PLCD1: variants seen among roughly 807,000 people sequenced by gnomAD.
PLCD1 encodes 1-phosphatidylinositol 4,5-bisphosphate phosphodiesterase delta-1.
A neutral mutation model predicts 87.4 loss-of-function variants in PLCD1; 71 were observed. The observed-to-expected ratio is 0.81, with a 90% CI of 0.67 to 0.99. PLCD1 has a LOEUF of 0.99. Ranked by LOEUF, PLCD1 falls within the 50% of genes least tolerant of loss-of-function variation. The probability of loss-of-function intolerance (pLI) is 0.00; values close to 1 mark genes in which losing one functional copy is unlikely to be tolerated. For synonymous variants in PLCD1, 348 were observed against 399.2 expected (o/e 0.87, Z 1.53); for missense variants, 867 against 1,001.5 (o/e 0.87, Z 1.81).
In PLCD1 at chr3:38,025,718, A is replaced by G. The variant is rs1407097577; in HGVS notation, c.34+3788T>C. On this transcript the variant is annotated intron_variant, in intron 1 of 14. Coordinates refer to ENST00000334661, the MANE Select transcript of PLCD1 (RefSeq NM_006225.4). This position sits in a 1 kb window ranked among gnomAD's most constrained non-coding sequence, Gnocchi z 4.0. ...AACTTTGCTGCCAATATGCTCGGGA[A>G]CAGTGGGTCCTTTCATGTACATCAC... Among the ~76,000 whole-genome samples, 1 of 152,254 alleles carries G rather than the reference A, an allele frequency of 6.6e-6. No homozygotes were observed. Among genetic ancestry groups the G allele is most frequent in the East Asian group, 1.9e-4 (1 of 5,204 alleles).
In PLCD1 at chr3:38,010,164, A is replaced by G. The variant is rs900546814; in HGVS notation, c.1104T>C (p.Asp368=). 3 of 1,614,248 alleles carry G rather than the reference A, an allele frequency of 1.9e-6. No individual in the cohort carries two copies. Among genetic ancestry groups the G allele is most frequent in the Admixed American group, 1.7e-5 (1 of 60,032 alleles). ...YTFTSKILFC[D]VLRAIRDYAF... ...CATAGTCCCGGATGGCCCTGAGCAC[A>G]TCGCAGAAGAGGATCTTGGAAGTGA... The change falls in exon 7 of 15, where the codon GAT becomes GAC. Residue 368 remains aspartate, a synonymous_variant. Coordinates refer to ENST00000334661, the MANE Select transcript of PLCD1 (RefSeq NM_006225.4).
chr3:38,015,212 A>G (rs978374202), intron 3 of PLCD1, among the ~76,000 whole-genome samples: 24 of 152,212 alleles, frequency 1.6e-4, no homozygotes, highest in African/African-American at 5.6e-4. Flanking sequence ...TCTGGTGAAG[A>G]GATACATGTG....
In PLCD1 at chr3:38,007,919, G is replaced by GT; in HGVS notation, c.2186-62_2186-61insA. 4 of 1,604,490 alleles carry GT rather than the reference G, an allele frequency of 2.5e-6. No individual in the cohort carries two copies. In the African/African-American group the frequency reaches 5.3e-5, roughly 21 times the overall value. ...AGTTCTGGTCATTCGGCGGCGGAGG[G>GT]GGGGTGGATGCGTCAAGGGACAGCC... On this transcript the variant is annotated intron_variant, in intron 14 of 14. Transcript: ENST00000334661.
chr3:38,012,900 T>G (rs1700103048), intron 3 of PLCD1, among the ~76,000 whole-genome samples: 2 of 151,946 alleles, frequency 1.3e-5, no homozygotes. Flanking sequence ...TTTCTGCAAT[T>G]TATTTATTTA....
Position 38,009,732 on chromosome 3 carries a change from G to A in PLCD1, c.1367C>T (p.Ala456Val), listed in dbSNP as rs1358000562. Residue 456 changes from alanine to valine, a missense_variant, in exon 9 of 15, where the codon GCC becomes GTC. Coordinates refer to ENST00000334661, the MANE Select transcript of PLCD1 (RefSeq NM_006225.4). ...LPPGGEGGPE[A>V]TVVSDEDEAA... is the part of the protein sequence containing the mutation. ...CTCGTCTTCGTCTGACACCACAGTG[G>A]CCTCAGGGCCACCCTCCCCTCCAGG... 2 of 1,614,080 alleles carry A rather than the reference G, an allele frequency of 1.2e-6. No homozygotes were observed. The highest frequency in any genetic ancestry group is 2.2e-5 in the East Asian group (1 of 44,874).
rs775952647 is a variant in PLCD1 at position 38,008,346 on chromosome 3, G to A, written c.1924C>T (p.Pro642Ser). Residue 642 changes from proline to serine, a missense_variant, in exon 13 of 15, where the codon CCA becomes TCA. Pro to Ser is a moderately conservative substitution (Grantham distance 74, BLOSUM62 -1). Transcript: ENST00000334661. ...NIRVISGQQL[P>S]KVNKNKNSIV... Reference sequence around the variant, plus strand: ...GAATTCTTATTCTTGTTGACTTTTGGCAGCTGCTGCCCCGAAATGACCTGA... The same window carrying A: ...GAATTCTTATTCTTGTTGACTTTTGACAGCTGCTGCCCCGAAATGACCTGA... The A allele has an allele frequency of 1.2e-6, 2 of 1,614,080 alleles. No homozygotes were observed. Among genetic ancestry groups the A allele is most frequent in the Non-Finnish European group, 1.7e-6 (2 of 1,180,032 alleles).
rs1309826519 is a variant in PLCD1 at position 38,011,454 on chromosome 3, C to T, written c.559-9G>A. ...TGGGAGTGGTCACACTCCTGCAGAG[C>T]CAGGACAGCCGAGTGGGCTCAGAGC... On this transcript the variant is annotated splice_polypyrimidine_tract_variant and intron_variant, in intron 4 of 14. Transcript: ENST00000334661. The T allele has an allele frequency of 1.9e-6, 3 of 1,613,464 alleles. No individual in the cohort carries two copies. The highest frequency in any genetic ancestry group is 2.5e-6 in the Non-Finnish European group (3 of 1,179,462).
At chr3:38,009,238 CAG>C in intron 10 of PLCD1, 32 bp downstream of exon 10, 1 of 1,613,884 alleles carries the variant, frequency 6.2e-7, no homozygotes, top group East Asian at 2.2e-5. Context: ...CTCTCTGTAA[CAG>C]AGCAGGGGAG....
chr3:38,024,651 G>A (rs1015234912), intron 1 of PLCD1: 3 of 1,518,832 alleles, frequency 2.0e-6, no homozygotes, highest in East Asian at 2.5e-5. Flanking sequence ...CTGGGCTGAG[G>A]GGGTAGTCAG....
chr3:38,015,588 T>G (rs367767522), intron 3 of PLCD1, among the ~76,000 whole-genome samples: 1 of 152,352 alleles, frequency 6.6e-6, no homozygotes, highest in East Asian at 1.9e-4. Flanking sequence ...TTATATGGTA[T>G]GTGAATTACA....
rs577920627 is a variant in PLCD1, at chr3:38,025,872, C to T, written c.34+3634G>A. 6.6e-6 allele frequency among the ~76,000 whole-genome samples: 1 copy of T among 152,346 alleles called. No homozygotes were observed. Among genetic ancestry groups the T allele is most frequent in the South Asian group, 2.1e-4 (1 of 4,824 alleles). Reference sequence around the variant, plus strand: ...GTTCCCCCAGTTCGCTTCACTGCAGCTCCAGTCACCAGCATTGACAGTGAG... The same window carrying T: ...GTTCCCCCAGTTCGCTTCACTGCAGTTCCAGTCACCAGCATTGACAGTGAG... On this transcript the variant is annotated intron_variant, in intron 1 of 14. Coordinates refer to ENST00000334661, the MANE Select transcript of PLCD1 (RefSeq NM_006225.4). The surrounding 1 kb of genome is among the most constrained non-coding windows in gnomAD (Gnocchi z 4.0).
At position 38,007,671 on chromosome 3, in the gene PLCD1, T is replaced by G. The variant is rs559586397; in HGVS notation, c.*102A>C. ...TAGGGCTGAAGGCAATTTGGGGGCC[T>G]AGCTCTGAGCAAGAGGCTGGGAGCA... On this transcript the variant is annotated 3_prime_UTR_variant, in exon 15 of 15. Coordinates refer to ENST00000334661, the MANE Select transcript of PLCD1 (RefSeq NM_006225.4). 2.0e-5 allele frequency: 18 copies of G among 900,402 alleles called. No individual in the cohort carries two copies. The East Asian group carries it at 4.6e-4, about 23-fold the overall frequency. The allele number at this position is 900,402 out of a possible 1,614,324, so 55.8% of individuals were successfully genotyped here.
chr3:38,021,640 G>A (rs1700235305), intron 1 of PLCD1, among the ~76,000 whole-genome samples: 2 of 152,176 alleles, frequency 1.3e-5, no homozygotes. Flanking sequence ...CACGTACATA[G>A]TCCAGCAGCC....
intron 13 of PLCD1, 27 bp downstream of exon 13, chr3:38,008,205 CTAG>C (rs1375518543): frequency 6.2e-7 from 1 of 1,613,690 alleles, no homozygotes; most frequent in African/African-American, 1.3e-5. Context: ...GACACCAGCC[CTAG>C]TAGCCCAGCC....
rs530935718 is a variant in PLCD1, at chr3:38,024,794, G to C, written c.35-4442C>G. 1.8e-5 allele frequency: 22 copies of C among 1,228,330 alleles called. No homozygotes were observed. In the African/African-American group the frequency reaches 3.1e-4, roughly 17 times the overall value. The allele number at this position is 1,228,330 out of a possible 1,614,324, so 76.1% of individuals were successfully genotyped here. ...GGAGGCGGGACGAGAAGAAAATCTGGGCTAAGGAGGGCAGAGTCAGACCCC... is the reference window on the plus strand; with the variant it reads ...GGAGGCGGGACGAGAAGAAAATCTGCGCTAAGGAGGGCAGAGTCAGACCCC... On this transcript the variant is annotated intron_variant, in intron 1 of 14. Coordinates refer to ENST00000334661, the MANE Select transcript of PLCD1 (RefSeq NM_006225.4).
In PLCD1 at chr3:38,025,464, A is replaced by G. The variant is rs1235893462; in HGVS notation, c.34+4042T>C. Among the ~76,000 whole-genome samples the G allele has an allele frequency of 6.6e-6, 1 of 151,982 alleles. No homozygotes were observed. Among genetic ancestry groups the G allele is most frequent in the Non-Finnish European group, 1.5e-5 (1 of 67,974 alleles). On this transcript the variant is annotated intron_variant, in intron 1 of 14. Transcript: ENST00000334661. The surrounding 1 kb of genome is among the most constrained non-coding windows in gnomAD (Gnocchi z 4.0). ...CTGGGCCAGACACCGAGCCCCCCCC[A>G]AGTATTTTACTTCAATTGCTCAACT...
rs1269751612 is a variant in PLCD1, at chr3:38,008,543, G to A, written c.1817C>T (p.Ala606Val). 6.2e-7 allele frequency: 1 copy of A among 1,614,178 alleles called. No individual in the cohort carries two copies. The highest frequency in any genetic ancestry group is 1.7e-5 in the Admixed American group (1 of 60,032). ...GGTGCCGTTGGGGTCTCGCAGGAAGGCGGGCTTCAGCACGTACCCACAGGC... is the reference window on the plus strand; with the variant it reads ...GGTGCCGTTGGGGTCTCGCAGGAAGACGGGCTTCAGCACGTACCCACAGGC... ...NGACGYVLKP[A>V]FLRDPNGTFN... is the part of the protein sequence containing the mutation. The change falls in exon 12 of 15, where the codon GCC (alanine) becomes GTC (valine). Residue 606 changes from alanine (A) to valine (V), a missense_variant. By Grantham distance (64) the Ala-to-Val change is moderately conservative. Coordinates refer to ENST00000334661, the MANE Select transcript of PLCD1 (RefSeq NM_006225.4).
At chr3:38,028,535 T>C (rs1700330563) in intron 1 of PLCD1, among the ~76,000 whole-genome samples, 1 of 152,136 alleles carries the variant, frequency 6.6e-6, no homozygotes. Flanking sequence ...ACAGTTTAGA[T>C]GGATGGGTGG....
At chr3:38,021,511 C>A (rs1232500148) in intron 1 of PLCD1, among the ~76,000 whole-genome samples, 2 of 152,168 alleles carry the variant, frequency 1.3e-5, no homozygotes, top group Non-Finnish European at 2.9e-5. Flanking sequence ...GAGCCTTCAC[C>A]ACCCAGCAGG....
Sources: allele counts gnomAD v4.1 joint callset (sites outside exome capture counted in the v4.1 genomes callset), GRCh38; gene constraint gnomAD v4.1.1; non-coding constraint Gnocchi (gnomAD v3.1); transcripts MANE v1.5; gene names NCBI Gene and HGNC (gene_info 2026-07-23, HGNC 2026-07-21).